PCDHGA8: variants seen among roughly 807,000 people sequenced by gnomAD.
PCDHGA8 encodes the protein protocadherin gamma subfamily A, 8, also known as protocadherin gamma-A8.
PCDHGA8 carries 45 observed loss-of-function variants against 59.2 expected under a neutral mutation model. That is an observed-to-expected ratio of 0.76 (90% CI 0.60 to 0.98). The LOEUF is 0.98. Among genes scored for constraint, PCDHGA8 ranks in the 50% least tolerant of loss-of-function variants. The probability of loss-of-function intolerance (pLI) is 0.00; values close to 1 mark genes in which losing one functional copy is unlikely to be tolerated. For missense variants in PCDHGA8, 1,257 were observed against 1,196.2 expected (o/e 1.05, Z -0.75); for synonymous variants, 531 against 519.0 (o/e 1.02, Z -0.32).
In PCDHGA8 at chr5:141,463,735, C is replaced by T. The variant is rs1411988885; in HGVS notation, c.2425-31072C>T. On this transcript the variant is annotated intron_variant, in intron 1 of 3. Coordinates refer to ENST00000398604, the MANE Select transcript of PCDHGA8 (RefSeq NM_032088.2). ...TGCTGGGATTACAGGCATGAGCCAC[C>T]GCGCCCGGCCTGCTTCTCTTCTCTT... 3.3e-5 allele frequency among the ~76,000 whole-genome samples: 5 copies of T among 152,100 alleles called. No individual in the cohort carries two copies. The East Asian group carries it at 7.8e-4, about 24-fold the overall frequency.
intron 1 of PCDHGA8, chr5:141,413,663 AT>A (rs1344545568): frequency 6.2e-7 from 1 of 1,613,844 alleles, no homozygotes; most frequent in African/African-American, 1.3e-5. Flanking sequence ...GAAGCTATTG[AT>A]CCGGATGTGG....
Position 141,392,963 on chromosome 5 carries a change from G to C in PCDHGA8, c.150G>C (p.Lys50Asn). The change falls in exon 1 of 4, where the codon AAG becomes AAC. Residue 50 changes from lysine to asparagine, a missense_variant. Lys to Asn is a moderately conservative substitution (Grantham distance 94). Transcript: ENST00000398604. ...GCTCCTTCGTGGGTAATATCTCCAA[G>C]GACCTGGGGCTGGACCCCCGGAAGC... ...DKGSFVGNIS[K>N]DLGLDPRKLA... 6.2e-7 allele frequency: 1 copy of C among 1,613,922 alleles called. No homozygotes were observed. Among genetic ancestry groups the C allele is most frequent in the Non-Finnish European group, 8.5e-7 (1 of 1,179,894 alleles).
At chr5:141,508,499 C>T (rs1425054102) in intron 3 of PCDHGA8, among the ~76,000 whole-genome samples, 7 of 152,212 alleles carry the variant, frequency 4.6e-5, no homozygotes, top group Non-Finnish European at 1.0e-4. Flanking sequence ...CATATCTTCT[C>T]TCCCTCCTGG....
Position 141,431,709 on chromosome 5 carries a change from T to G in PCDHGA8, c.2424+36472T>G, listed in dbSNP as rs1561854893. ...CACGAGGAGTCAGGATTCTACCAGA[T>G]GGAAGTGCAAGCAATGGATAATGCA... On this transcript the variant is annotated intron_variant, in intron 1 of 3. Coordinates refer to ENST00000398604, the MANE Select transcript of PCDHGA8 (RefSeq NM_032088.2). The surrounding 1 kb of genome is among the most constrained non-coding windows in gnomAD (Gnocchi z 4.8). The G allele has an allele frequency of 6.2e-7, 1 of 1,614,168 alleles. No individual in the cohort carries two copies. Among genetic ancestry groups the G allele is most frequent in the Middle Eastern group, 1.6e-4 (1 of 6,062 alleles).
intron 1 of PCDHGA8, among the ~76,000 whole-genome samples, chr5:141,451,579 A>T (rs1222576609): frequency 6.6e-6 from 1 of 152,084 alleles, no homozygotes; most frequent in African/African-American, 2.4e-5. Flanking sequence ...TTATAAACCT[A>T]ATTTTGAAAG....
chr5:141,423,597 G>C, intron 1 of PCDHGA8: 1 of 1,613,188 alleles, frequency 6.2e-7, no homozygotes, highest in Non-Finnish European at 8.5e-7. Context: ...AGAAAAGCGA[G>C]CCACTCTTGA....
At chr5:141,449,630 T>A (rs1006977026) in intron 1 of PCDHGA8, among the ~76,000 whole-genome samples, 6 of 150,024 alleles carry the variant, frequency 4.0e-5, no homozygotes, top group Non-Finnish European at 8.9e-5. Flanking sequence ...TTTAAAAAGA[T>A]GTATCTATAT....
rs1286991812 is a variant in PCDHGA8 at position 141,432,170 on chromosome 5, C to T, written c.2424+36933C>T. The T allele has an allele frequency of 1.2e-6, 2 of 1,614,072 alleles. No homozygotes were observed. The highest frequency in any genetic ancestry group is 1.7e-6 in the Non-Finnish European group (2 of 1,180,036). ...AGAGAACAATCCCAGAGGAGTTTCC[C>T]TCGTCTCTGTGACCGCCCACGACCC... On this transcript the variant is annotated intron_variant, in intron 1 of 3. Coordinates refer to ENST00000398604, the MANE Select transcript of PCDHGA8 (RefSeq NM_032088.2). This position sits in a 1 kb window ranked among gnomAD's most constrained non-coding sequence, Gnocchi z 6.0.
chr5:141,433,115 G>T, intron 1 of PCDHGA8: 1 of 1,613,762 alleles, frequency 6.2e-7, no homozygotes, highest in Non-Finnish European at 8.5e-7. Context: ...GGAGAGCTTT[G>T]AAAAAAGCGA....
intron 1 of PCDHGA8, chr5:141,422,195 A>G: frequency 6.4e-7 from 1 of 1,562,278 alleles, no homozygotes; most frequent in African/African-American, 1.4e-5. Flanking sequence ...ATTCAAGGCC[A>G]AGATGGTGGA....
rs140184617 is a variant in PCDHGA8, at chr5:141,405,523, G to A, written c.2424+10286G>A. ...CAACCTCCGCCTCCCAAATTCAAGC[G>A]ATTCTCCTGCCTCAGCCTCCCAAGT... is the stretch of plus-strand genomic sequence containing the variant. On this transcript the variant is annotated intron_variant, in intron 1 of 3. Transcript: ENST00000398604. 5.4e-4 allele frequency: 366 copies of A among 679,318 alleles called. 4 individuals carry two copies. In the East Asian group the frequency reaches 9.7e-3, roughly 18 times the overall value. The allele number at this position is 679,318 out of a possible 1,614,324, so 42.1% of individuals were successfully genotyped here.
At chr5:141,413,763 G>A (rs964376306) in intron 1 of PCDHGA8, 6 of 1,612,814 alleles carry the variant, frequency 3.7e-6, no homozygotes, top group Non-Finnish European at 5.1e-6. Context: ...TCAAGTACCC[G>A]GAGCTGGTAC....
rs1438257730 is a variant in PCDHGA8, at chr5:141,477,587, C to G, written c.2425-17220C>G. 4.3e-6 allele frequency: 7 copies of G among 1,614,094 alleles called. 1 individual carries two copies. In the South Asian group the frequency reaches 7.7e-5, roughly 18 times the overall value. ...GGACCCCGACGCCCCGCAGAATGCT[C>G]GGCTTTCTTTCTTTCTCTTGGAGCA... On this transcript the variant is annotated intron_variant, in intron 1 of 3. Transcript: ENST00000398604. The surrounding 1 kb of genome is among the most constrained non-coding windows in gnomAD (Gnocchi z 4.9).
At chr5:141,415,611 A>G in intron 1 of PCDHGA8, 1 of 1,613,152 alleles carries the variant, frequency 6.2e-7, no homozygotes, top group Non-Finnish European at 8.5e-7. Context: ...CATTGGTTCC[A>G]GTGAGTTTTA....
intron 2 of PCDHGA8, among the ~76,000 whole-genome samples, chr5:141,500,035 CTT>C: frequency 6.6e-6 from 1 of 152,100 alleles, no homozygotes; most frequent in East Asian, 1.9e-4. Flanking sequence ...GTGAGTGTCT[CTT>C]AAGTATCTTA....
In PCDHGA8 at chr5:141,408,807, G is replaced by A. The variant is rs372007066; in HGVS notation, c.2424+13570G>A. On this transcript the variant is annotated intron_variant, in intron 1 of 3. Transcript: ENST00000398604. ...TTATCTCTGGAGAAACTCCTAGACCGGGAAGAACAGAGATCTCATAGCTTG... is the reference window on the plus strand; with the variant it reads ...TTATCTCTGGAGAAACTCCTAGACCAGGAAGAACAGAGATCTCATAGCTTG... 1.2e-5 allele frequency: 20 copies of A among 1,612,986 alleles called. No homozygotes were observed. Among genetic ancestry groups the A allele is most frequent in the Middle Eastern group, 1.6e-4 (1 of 6,084 alleles).
chr5:141,445,341 A>G (rs1165606147), intron 1 of PCDHGA8, among the ~76,000 whole-genome samples: 2 of 152,218 alleles, frequency 1.3e-5, no homozygotes, highest in African/African-American at 4.8e-5. Context: ...AACAGTAAAC[A>G]TTGGTGTCTG....
rs2099702455 is a variant in PCDHGA8, at chr5:141,490,641, G to C, written c.2425-4166G>C. 6.2e-7 allele frequency: 1 copy of C among 1,614,042 alleles called. No homozygotes were observed. Among genetic ancestry groups the C allele is most frequent in the Admixed American group, 1.7e-5 (1 of 60,004 alleles). On this transcript the variant is annotated intron_variant, in intron 1 of 3. Coordinates refer to ENST00000398604, the MANE Select transcript of PCDHGA8 (RefSeq NM_032088.2). The surrounding 1 kb of genome is among the most constrained non-coding windows in gnomAD (Gnocchi z 5.4). ...ACACTGCTTACATCCTAGAAAACCG[G>C]CCTCCGGGCTCCCTTCTTTGCACTG...
intron 1 of PCDHGA8, among the ~76,000 whole-genome samples, chr5:141,483,272 A>T (rs545719861): frequency 4.4e-4 from 67 of 152,196 alleles, no homozygotes; most frequent in African/African-American, 1.4e-3. Flanking sequence ...TGTTTTAGAA[A>T]TATTATTCTG....
Sources: allele counts gnomAD v4.1 joint callset (sites outside exome capture counted in the v4.1 genomes callset), GRCh38; gene constraint gnomAD v4.1.1; non-coding constraint Gnocchi (gnomAD v3.1); transcripts MANE v1.5; gene names NCBI Gene and HGNC (gene_info 2026-07-23, HGNC 2026-07-21).